The following PPARGC1A variants were observed in gnomAD, a reference collection of about 807,000 sequenced individuals.
PPARGC1A encodes PPARG coactivator 1 alpha.
A neutral mutation model predicts 88.7 loss-of-function variants in PPARGC1A; 25 were observed. That is an observed-to-expected ratio of 0.28 (90% CI 0.21 to 0.39). The LOEUF (loss-of-function observed/expected upper bound fraction) is 0.39. Ranked by LOEUF, PPARGC1A falls within the 10% of genes least tolerant of loss-of-function variation. The pLI, the probability that PPARGC1A is intolerant of heterozygous loss-of-function variation, is 1.00. For missense variants in PPARGC1A, 880 were observed against 968.7 expected, an observed-to-expected ratio of 0.91 and a Z score of 1.22; for synonymous variants, 363 against 355.6, an observed-to-expected ratio of 1.02 and a Z score of -0.24.
intron 10 of PPARGC1A, among the ~76,000 whole-genome samples, chr4:23,802,676 CAAAAAAAAAAAAAAA>C (rs397823520): frequency 3.8e-5 from 1 of 26,130 alleles, no homozygotes; most frequent in South Asian, 2.0e-3. Context: ...GACTCCATCT[CAAAAAAAAAAAAAAA>C]AAAAAAAAAA....
the PPARGC1A span, among the ~76,000 whole-genome samples, chr4:24,093,305 G>A: frequency 3.3e-5 from 5 of 152,230 alleles, no homozygotes; most frequent in Non-Finnish European, 5.9e-5. Context: ...ACAGCACCTC[G>A]GTCAATTGTG....
chr4:24,216,922 G>A, the PPARGC1A span, among the ~76,000 whole-genome samples: 1,957 of 152,228 alleles, frequency 0.013, 26 homozygotes, highest in Admixed American at 0.024. Flanking sequence ...ATGGAACTAA[G>A]TAATATACCT....
intron 10 of PPARGC1A, among the ~76,000 whole-genome samples, chr4:23,811,214 T>C (rs567769860): frequency 7.9e-5 from 12 of 152,232 alleles, no homozygotes; most frequent in Non-Finnish European, 1.6e-4. Flanking sequence ...CTGGTAACTG[T>C]TGGCCAATGC....
the PPARGC1A span, among the ~76,000 whole-genome samples, chr4:24,158,386 C>T: frequency 2.0e-5 from 3 of 152,134 alleles, no homozygotes; most frequent in Non-Finnish European, 4.4e-5. Context: ...AGAGCAGGGA[C>T]CTTGTCTAGC....
chr4:24,303,215 G>A, the PPARGC1A span, among the ~76,000 whole-genome samples: 1 of 152,124 alleles, frequency 6.6e-6, no homozygotes, highest in African/African-American at 2.4e-5. Flanking sequence ...AAAGGGAGGG[G>A]CAGAAGACAG....
chr4:24,451,568 TTTG>T, the PPARGC1A span, among the ~76,000 whole-genome samples: 5 of 152,092 alleles, frequency 3.3e-5, no homozygotes, highest in Non-Finnish European at 5.9e-5. Context: ...TGGGTTGTCT[TTTG>T]TTGTTGTTGT....
chr4:24,358,199 T>C, the PPARGC1A span, among the ~76,000 whole-genome samples: 2 of 152,226 alleles, frequency 1.3e-5, no homozygotes, highest in African/African-American at 2.4e-5. Flanking sequence ...AGATTCAGAA[T>C]TGAAAGCCAG....
the PPARGC1A span, among the ~76,000 whole-genome samples, chr4:24,390,069 A>T: frequency 7.1e-6 from 1 of 141,716 alleles, no homozygotes; most frequent in Non-Finnish European, 1.5e-5. Context: ...TAAGTAACTT[A>T]TTTTTTTTTC....
intron 7 of PPARGC1A, among the ~76,000 whole-genome samples, chr4:23,823,446 G>A (rs1428991759): frequency 6.6e-6 from 1 of 151,900 alleles, no homozygotes; most frequent in Admixed American, 6.6e-5. Flanking sequence ...TGTGTTTTAA[G>A]CAAAGGTAAA....
the PPARGC1A span, among the ~76,000 whole-genome samples, chr4:24,121,458 C>G: frequency 6.6e-6 from 1 of 152,064 alleles, no homozygotes; most frequent in Non-Finnish European, 1.5e-5. Flanking sequence ...GGGAGAGTAG[C>G]GACCACGTGA....
the PPARGC1A span, among the ~76,000 whole-genome samples, chr4:24,016,632 AAG>A: frequency 6.6e-6 from 1 of 152,216 alleles, no homozygotes; most frequent in Non-Finnish European, 1.5e-5. Context: ...TGAAGCCCAC[AAG>A]AGTTATGAAT....
At chr4:24,055,406 C>G in the PPARGC1A span, among the ~76,000 whole-genome samples, 7 of 152,112 alleles carry the variant, frequency 4.6e-5, no homozygotes, top group African/African-American at 1.7e-4. Context: ...AGTTACGAAC[C>G]TTTCTCATTT....
At chr4:23,956,371 G>A in the PPARGC1A span, among the ~76,000 whole-genome samples, 2 of 152,046 alleles carry the variant, frequency 1.3e-5, no homozygotes, top group African/African-American at 4.8e-5. Flanking sequence ...TTGGGACCAC[G>A]ATCTCAGTAG....
At chr4:24,324,880 C>A in the PPARGC1A span, among the ~76,000 whole-genome samples, 3 of 152,148 alleles carry the variant, frequency 2.0e-5, no homozygotes, top group Non-Finnish European at 4.4e-5. Context: ...ACAGACCCAT[C>A]TGACCTCTCC....
chr4:24,356,218 G>T, the PPARGC1A span, among the ~76,000 whole-genome samples: 1 of 149,488 alleles, frequency 6.7e-6, no homozygotes, highest in Non-Finnish European at 1.5e-5. Flanking sequence ...AAAAAAAAAA[G>T]AGAGAGAGGG....
At chr4:23,893,927 CTCAG>C (rs1718207564), upstream of PPARGC1A, among the ~76,000 whole-genome samples, 1 of 152,098 alleles carries the variant, frequency 6.6e-6, no homozygotes, top group Admixed American at 6.6e-5. Flanking sequence ...TATACCACAT[CTCAG>C]TCAATTTAGT....
the PPARGC1A span, among the ~76,000 whole-genome samples, chr4:24,457,211 G>A: frequency 2.6e-5 from 4 of 152,142 alleles, no homozygotes; most frequent in Non-Finnish European, 5.9e-5. Flanking sequence ...CACTCCCCCT[G>A]CCCTCTCCAG....
chr4:24,392,028 T>C, the PPARGC1A span, among the ~76,000 whole-genome samples: 68 of 152,314 alleles, frequency 4.5e-4, no homozygotes, highest in African/African-American at 1.6e-3. Flanking sequence ...CAATTCACTT[T>C]GCCAGAGCAC....
chr4:24,155,642 C>T, the PPARGC1A span, among the ~76,000 whole-genome samples: 1 of 151,818 alleles, frequency 6.6e-6, no homozygotes, highest in South Asian at 2.1e-4. Flanking sequence ...TTATGTTTAA[C>T]TTCCTGTGCC....
Sources: allele counts gnomAD v4.1 joint callset (sites outside exome capture counted in the v4.1 genomes callset), GRCh38; gene constraint gnomAD v4.1.1; transcripts MANE v1.5; gene names NCBI Gene and HGNC (gene_info 2026-07-23, HGNC 2026-07-21).